The following MMP24 variants were observed in gnomAD, a reference collection of about 807,000 sequenced individuals.
MMP24 encodes matrix metalloproteinase-24.
Under a neutral mutation model 62.8 loss-of-function variants are expected in MMP24, and 25 were observed. The observed-to-expected ratio is 0.40, with a 90% CI of 0.29 to 0.56. MMP24 has a LOEUF of 0.56. Among genes scored for constraint, MMP24 ranks in the 20% least tolerant of loss-of-function variants. The pLI, the probability that MMP24 is intolerant of heterozygous loss-of-function variation, is 0.50. For missense variants in MMP24, 634 were observed against 853.6 expected (o/e 0.74, Z 3.21); for synonymous variants, 319 against 350.5 (o/e 0.91, Z 1.00).
chr20:35,263,669 C>T, intron 4 of MMP24, 122 bp from the exon 5 acceptor site: 1 of 767,646 alleles, frequency 1.3e-6, no homozygotes, highest in Non-Finnish European at 2.0e-6. Context: ...CTGTATGTCC[C>T]TGGTGTCCAG....
At chr20:35,244,570 A>C (rs191372270) in intron 1 of MMP24, among the ~76,000 whole-genome samples, 7,438 of 152,056 alleles carry the variant, frequency 0.049, 591 homozygotes, top group African/African-American at 0.17. Flanking sequence ...CCTCCCGAGT[A>C]GCTGAGATTA....
chr20:35,242,140 T>C (rs1211201586), intron 1 of MMP24, among the ~76,000 whole-genome samples: 1 of 152,144 alleles, frequency 6.6e-6, no homozygotes, highest in African/African-American at 2.4e-5. Flanking sequence ...AAGACCAGCC[T>C]GGCCAAAATG....
chr20:35,228,482 G>A (rs1339111436), intron 1 of MMP24, among the ~76,000 whole-genome samples: 1 of 152,168 alleles, frequency 6.6e-6, no homozygotes, highest in African/African-American at 2.4e-5. Context: ...GACTGCCTGA[G>A]TGCACAGGAT....
intron 1 of MMP24, among the ~76,000 whole-genome samples, chr20:35,232,396 G>T (rs958421663): frequency 5.3e-5 from 8 of 152,168 alleles, no homozygotes; most frequent in African/African-American, 1.9e-4. Flanking sequence ...AATTAATTTT[G>T]TTATCTAATC....
chr20:35,265,047 A>T (rs962917961), intron 5 of MMP24, among the ~76,000 whole-genome samples: 1 of 152,224 alleles, frequency 6.6e-6, no homozygotes, highest in Non-Finnish European at 1.5e-5. Flanking sequence ...TGTGGGTCCC[A>T]GAAGCTATTC....
intron 6 of MMP24, among the ~76,000 whole-genome samples, chr20:35,268,871 T>A (rs2425039): frequency 6.6e-6 from 1 of 151,652 alleles, no homozygotes; most frequent in Non-Finnish European, 1.5e-5. Flanking sequence ...ACTAAAAATA[T>A]AAAAAATTAG....
intron 3 of MMP24, 69 bp from the exon 4 acceptor site, chr20:35,254,381 G>C: frequency 2.2e-6 from 3 of 1,394,178 alleles, no homozygotes; most frequent in Non-Finnish European, 3.0e-6. Flanking sequence ...ATTGTCTCAG[G>C]TATCTATTTT....
rs1409683132 is a variant in MMP24, at chr20:35,274,667, G to C, written c.*58G>C. On this transcript the variant is annotated 3_prime_UTR_variant, in exon 9 of 9. Coordinates refer to ENST00000246186, the MANE Select transcript of MMP24 (RefSeq NM_006690.4). This position sits in a 1 kb window ranked among gnomAD's most constrained non-coding sequence, Gnocchi z 5.1. ...GGCCAGCCAGGCCCTTCCTCACCAGGGTCTGAGGGGCAGCTCTGGCCAGTG... is the reference window on the plus strand; with the variant it reads ...GGCCAGCCAGGCCCTTCCTCACCAGCGTCTGAGGGGCAGCTCTGGCCAGTG... 2 of 1,424,380 alleles carry C rather than the reference G, an allele frequency of 1.4e-6. No individual in the cohort carries two copies. Among genetic ancestry groups the C allele is most frequent in the African/African-American group, 2.8e-5 (2 of 70,330 alleles). The allele number at this position is 1,424,380 out of a possible 1,614,324, so 88.2% of individuals were successfully genotyped here. A position where few individuals can be genotyped will look rare whatever the true frequency, so the allele number is the denominator to read the frequency against.
chr20:35,266,175 T>TTAAAA (rs771720633), intron 5 of MMP24, among the ~76,000 whole-genome samples: 5 of 43,034 alleles, frequency 1.2e-4, no homozygotes, highest in South Asian at 1.5e-3. Context: ...CCATCTCTGC[T>TTAAAA]AAAAAAAAAA....
intron 4 of MMP24, 38 bp downstream of exon 4, chr20:35,254,792 C>T (rs374617306): frequency 3.2e-5 from 49 of 1,555,328 alleles, no homozygotes; most frequent in Non-Finnish European, 4.3e-5. Flanking sequence ...TCTTGGGCTG[C>T]TCAGTTGTTG....
intron 1 of MMP24, among the ~76,000 whole-genome samples, chr20:35,243,490 G>T (rs2146208256): frequency 6.6e-6 from 1 of 152,180 alleles, no homozygotes; most frequent in East Asian, 1.9e-4. Flanking sequence ...CCTGTAGTAG[G>T]TGCTCAGTTA....
chr20:35,236,628 G>A (rs1239154042), intron 1 of MMP24, among the ~76,000 whole-genome samples: 1 of 152,088 alleles, frequency 6.6e-6, no homozygotes, highest in Non-Finnish European at 1.5e-5. Context: ...CAGTGATTTG[G>A]TCTGGCAGCA....
At chr20:35,259,709 T>G (rs2060592800) in intron 4 of MMP24, among the ~76,000 whole-genome samples, 1 of 152,062 alleles carries the variant, frequency 6.6e-6, no homozygotes. Flanking sequence ...ATGGAGATCC[T>G]AAAAGAAAGA....
chr20:35,239,171 C>T (rs1228312559), intron 1 of MMP24, among the ~76,000 whole-genome samples: 3 of 151,820 alleles, frequency 2.0e-5, no homozygotes, highest in African/African-American at 4.8e-5. Flanking sequence ...CTCAGCCTCC[C>T]GAGTAGCTAG....
Position 35,276,269 on chromosome 20 carries a change from T to TC in MMP24, c.*1661dup. 3 of 399,048 alleles carry TC rather than the reference T, an allele frequency of 7.5e-6. No homozygotes were observed. 24.7% of individuals were successfully genotyped at this position (399,048 alleles called of 1,614,324 possible). On this transcript the variant is annotated 3_prime_UTR_variant, in exon 9 of 9. Transcript: ENST00000246186. ...GTCCCCTGTCATCATCCTTGTTTTT[T>TC]CTCATTTTGGCCAAGGGCAGGCTCC...
At chr20:35,266,269 T>C (rs1298527285) in intron 5 of MMP24, among the ~76,000 whole-genome samples, 2 of 147,318 alleles carry the variant, frequency 1.4e-5, no homozygotes, top group Non-Finnish European at 3.0e-5. Flanking sequence ...GGAGAATCAC[T>C]TGAACCTGGG....
chr20:35,239,308 A>T (rs904930477), intron 1 of MMP24, among the ~76,000 whole-genome samples: 1 of 151,956 alleles, frequency 6.6e-6, no homozygotes, highest in African/African-American at 2.4e-5. Flanking sequence ...AAGTGCTGAG[A>T]TTACAGGCAT....
At position 35,254,372 on chromosome 20, in the gene MMP24, T is replaced by C. The variant is rs146833130; in HGVS notation, c.513-78T>C. ...TTCAAAATCAGATCACTGAGCCACA[T>C]TGTCTCAGGTATCTATTTTAGCTCT... On this transcript the variant is annotated intron_variant, in intron 3 of 8. Coordinates refer to ENST00000246186, the MANE Select transcript of MMP24 (RefSeq NM_006690.4). 6.3e-5 allele frequency: 84 copies of C among 1,325,530 alleles called. No homozygotes were observed. The African/African-American group carries it at 1.1e-3, about 18-fold the overall frequency. The allele number at this position is 1,325,530 out of a possible 1,614,324, so 82.1% of individuals were successfully genotyped here.
At chr20:35,263,701 C>T (rs958144803) in intron 4 of MMP24, 90 bp from the exon 5 acceptor site, 168 of 1,176,240 alleles carry the variant, frequency 1.4e-4, no homozygotes, top group Admixed American at 2.3e-4. Context: ...GCACAGGGCC[C>T]GTGCTCGGTG....
Sources: gnomAD v4.1 joint callset for allele counts (sites outside exome capture counted in the v4.1 genomes callset) on GRCh38, gnomAD v4.1.1 for gene constraint, Gnocchi (gnomAD v3.1) non-coding constraint, MANE v1.5 for transcripts, NCBI Gene and HGNC (gene_info 2026-07-23, HGNC 2026-07-21) for gene names.